The following EIF3L variants were observed in gnomAD, a reference collection of about 807,000 sequenced individuals.
EIF3L encodes eIEF associated protein HSPC021.
EIF3L carries 32 observed loss-of-function variants against 74.6 expected under a neutral mutation model. That is an observed-to-expected ratio of 0.43 (90% CI 0.32 to 0.58). The LOEUF is 0.58. Among genes scored for constraint, EIF3L ranks in the 20% least tolerant of loss-of-function variants. The pLI is 0.06. For missense variants in EIF3L, 474 were observed against 707.8 expected (o/e 0.67, Z 3.75); for synonymous variants, 256 against 254.4 (o/e 1.01, Z -0.06).
chr22:37,855,675 T>C, intron 4 of EIF3L, 31 bp downstream of exon 4: 1 of 1,554,806 alleles, frequency 6.4e-7, no homozygotes, highest in Non-Finnish European at 8.9e-7. Flanking sequence ...TCTTGTGCAC[T>C]GAGTGGAATC....
chr22:37,877,156 C>T (rs375195631), intron 10 of EIF3L: 2 of 155,678 alleles, frequency 1.3e-5, no homozygotes, highest in East Asian at 1.9e-4. Context: ...TGGCTACAAA[C>T]GTCTAGAACA....
Position 37,863,358 on chromosome 22 carries a change from C to A in EIF3L, c.579+13C>A. The A allele has an allele frequency of 6.3e-7, 1 of 1,597,558 alleles. No homozygotes were observed. The highest frequency in any genetic ancestry group is 1.7e-5 in the Admixed American group (1 of 57,276). ...GTTCATCTACCAGGTATCTGGTCAG[C>A]TTCAGCCTAATTTGAAATAACTGGT... On this transcript the variant is annotated intron_variant, in intron 7 of 12. Coordinates refer to ENST00000652021, the MANE Select transcript of EIF3L (RefSeq NM_016091.4).
intron 8 of EIF3L, among the ~76,000 whole-genome samples, chr22:37,871,616 C>T (rs1428599332): frequency 6.6e-6 from 1 of 152,110 alleles, no homozygotes; most frequent in Non-Finnish European, 1.5e-5. Flanking sequence ...GCCTATTATC[C>T]TGGCATTTTG....
In EIF3L at chr22:37,878,072, C is replaced by T. The variant is rs755821754; in HGVS notation, c.1476C>T (p.Val492=). Residue 492 remains valine (V), a synonymous_variant, in exon 11 of 13, where the codon GTC becomes GTT. Coordinates refer to ENST00000652021, the MANE Select transcript of EIF3L (RefSeq NM_016091.4). ...TEQEFRIQLL[V]FKHKMKNLVW... ...AGGAGTTCCGGATCCAGCTTCTTGT[C>T]TTCAAACACAAGATGAAGAACCTCG... 60 of 1,614,026 alleles carry T rather than the reference C, an allele frequency of 3.7e-5. No homozygotes were observed. Among genetic ancestry groups the T allele is most frequent in the Non-Finnish European group, 4.7e-5 (56 of 1,180,036 alleles).
Position 37,850,074 on chromosome 22 carries a change from G to A in EIF3L, c.82+11G>A. On this transcript the variant is annotated intron_variant, in intron 2 of 12. Coordinates refer to ENST00000652021, the MANE Select transcript of EIF3L (RefSeq NM_016091.4). ...ATGATATGCACACAGGTGAGACCAC[G>A]GGTTAGGCTGGCTGAGTACTCGTAG... The A allele has an allele frequency of 6.2e-7, 1 of 1,613,286 alleles. No individual in the cohort carries two copies. The highest frequency in any genetic ancestry group is 1.1e-5 in the South Asian group (1 of 91,058).
In EIF3L at chr22:37,858,725, A is replaced by G. The variant is rs746143326; in HGVS notation, c.420A>G (p.Ile140Met). 6.8e-6 allele frequency: 11 copies of G among 1,606,238 alleles called. No homozygotes were observed. Among genetic ancestry groups the G allele is most frequent in the South Asian group, 2.3e-5 (2 of 88,124 alleles). ...ACAAAGAATTATACTACAGGCACAT[A>G]TATGCCAAAGTCAGTGTAAGTATTT... The part of the protein sequence containing the change: ...ILYKELYYRH[I>M]YAKVSGGPSL... Residue 140 changes from isoleucine (I) to methionine (M), a missense_variant, in exon 5 of 13, where the codon ATA becomes ATG. This residue lies in a region of EIF3L where 141 missense variants were observed against 197.7 expected (regional missense o/e 0.71). Coordinates refer to ENST00000652021, the MANE Select transcript of EIF3L (RefSeq NM_016091.4).
chr22:37,877,105 C>T (rs1926792453), intron 10 of EIF3L: 1 of 153,392 alleles, frequency 6.5e-6, no homozygotes, highest in Non-Finnish European at 1.5e-5. Flanking sequence ...ATGGGATAAC[C>T]TACTACATAC....
rs1925862043 is a variant in EIF3L, at chr22:37,861,628, G to A, written c.436-1341G>A. The stretch of plus-strand genomic sequence containing the variant: ...GACCCCAGGAGGCAGAGGTTGCAGT[G>A]AGCTGAGATTGCACCGCTGCACTCC... On this transcript the variant is annotated intron_variant, in intron 5 of 12. Coordinates refer to ENST00000652021, the MANE Select transcript of EIF3L (RefSeq NM_016091.4). 4.6e-5 allele frequency among the ~76,000 whole-genome samples: 7 copies of A among 151,800 alleles called. No homozygotes were observed. In the South Asian group the frequency reaches 1.0e-3, roughly 23 times the overall value.
chr22:37,866,811 G>T (rs1175248163), intron 7 of EIF3L, among the ~76,000 whole-genome samples: 3 of 151,982 alleles, frequency 2.0e-5, no homozygotes, highest in Non-Finnish European at 2.9e-5. Context: ...CAAAAAACAG[G>T]TGTGAACCAC....
chr22:37,849,716 C>T (rs1156341112), intron 1 of EIF3L: 2 of 606,556 alleles, frequency 3.3e-6, no homozygotes, highest in East Asian at 2.8e-5. Context: ...AGACTAAGGC[C>T]TGTTAGACGT....
intron 2 of EIF3L, 120 bp from the exon 3 acceptor site, chr22:37,851,160 G>T: frequency 1.4e-6 from 1 of 700,468 alleles, no homozygotes; most frequent in African/African-American, 1.8e-5. Context: ...TTGTATCTCT[G>T]AGTATTCAAA....
At chr22:37,857,637 T>C (rs1044995771) in intron 4 of EIF3L, among the ~76,000 whole-genome samples, 6 of 151,762 alleles carry the variant, frequency 4.0e-5, no homozygotes, top group African/African-American at 1.5e-4. Context: ...CTCTGCCTCC[T>C]GGGCTCAAGC....
chr22:37,849,501 C>T lies in EIF3L; in HGVS notation c.33+19C>T, dbSNP rs1307846448. ...GTCTGAGGTAAGGTGGCCGTAAGGG[C>T]GCGGTGGGCTCCACGACGGGGTGAT... On this transcript the variant is annotated intron_variant, in intron 1 of 12. Coordinates refer to ENST00000652021, the MANE Select transcript of EIF3L (RefSeq NM_016091.4). 3.8e-6 allele frequency: 6 copies of T among 1,581,220 alleles called. No homozygotes were observed. Among genetic ancestry groups the T allele is most frequent in the East Asian group, 4.6e-5 (2 of 43,420 alleles).
chr22:37,852,491 A>C lies in EIF3L; in HGVS notation c.293+1001A>C, dbSNP rs115824463. Among the ~76,000 whole-genome samples the C allele has an allele frequency of 9.5e-3, 1,440 of 152,332 alleles. 21 individuals carry two copies. The highest frequency in any genetic ancestry group is 0.033 in the African/African-American group (1,371 of 41,572). Reference sequence around the variant, plus strand: ...ATGAGCGTTAGAGATAAGATAGGTCAGTCAAAGCTGGGATAGTCAGGAGTG... The same window carrying C: ...ATGAGCGTTAGAGATAAGATAGGTCCGTCAAAGCTGGGATAGTCAGGAGTG... On this transcript the variant is annotated intron_variant, in intron 3 of 12. Coordinates refer to ENST00000652021, the MANE Select transcript of EIF3L (RefSeq NM_016091.4).
At chr22:37,880,748 G>A (rs1927007303) in intron 11 of EIF3L, 1 of 152,212 alleles carries the variant, frequency 6.6e-6, no homozygotes, top group African/African-American at 2.4e-5. Flanking sequence ...CCAAAATGCT[G>A]GGATTACTGG....
intron 1 of EIF3L, 108 bp downstream of exon 1, chr22:37,849,590 C>T: frequency 1.6e-6 from 2 of 1,277,878 alleles, no homozygotes; most frequent in Non-Finnish European, 1.1e-6. Context: ...CAGCTCCGGC[C>T]GACCTCCCGC....
intron 7 of EIF3L, among the ~76,000 whole-genome samples, chr22:37,865,508 C>A (rs1236340493): frequency 6.6e-6 from 1 of 152,050 alleles, no homozygotes; most frequent in Non-Finnish European, 1.5e-5. Flanking sequence ...AAATATAATT[C>A]TTTTCCCCCT....
chr22:37,866,015 C>T (rs936920435), intron 7 of EIF3L, among the ~76,000 whole-genome samples: 2 of 152,164 alleles, frequency 1.3e-5, no homozygotes, highest in African/African-American at 4.8e-5. Flanking sequence ...GTAGGTGGCT[C>T]TTCCTCGCCA....
intron 12 of EIF3L, chr22:37,888,182 G>A (rs1927418405): frequency 2.3e-6 from 1 of 437,766 alleles, no homozygotes; most frequent in Admixed American, 4.1e-5. Flanking sequence ...TCTGTCAGAT[G>A]GATAGAGCAG....
Sources: gnomAD v4.1 joint callset for allele counts (sites outside exome capture counted in the v4.1 genomes callset) on GRCh38, gnomAD v4.1.1 for gene constraint, gnomAD v4.1.1 regional missense constraint, MANE v1.5 for transcripts, NCBI Gene and HGNC (gene_info 2026-07-23, HGNC 2026-07-21) for gene names.